Variants in PATJ observed in about 807,000 individuals in gnomAD.
The protein encoded by PATJ is PATJ crumbs cell polarity complex component.
Under a neutral mutation model 224.9 loss-of-function variants are expected in PATJ, and 190 were observed. The ratio of observed to expected loss-of-function variants is 0.84; its 90% CI spans 0.75 to 0.95. The LOEUF (loss-of-function observed/expected upper bound fraction) is 0.95, where lower values mean the gene tolerates loss of function less well. PATJ is among the 40% of genes least tolerant of loss of function. The pLI, the probability that PATJ is intolerant of heterozygous loss-of-function variation, is 0.00. For missense variants in PATJ, 2,121 were observed against 2,270.3 expected (o/e 0.93, Z 1.34); for synonymous variants, 769 against 820.3 (o/e 0.94, Z 1.07).
intron 33 of PATJ, among the ~76,000 whole-genome samples, chr1:62,088,327 G>A (rs781589394): frequency 2.0e-5 from 3 of 152,096 alleles, no homozygotes; most frequent in Admixed American, 6.6e-5. Flanking sequence ...CCAGACCATC[G>A]TTCCCCAAAC....
chr1:61,754,924 G>A (rs371856185), intron 1 of PATJ, among the ~76,000 whole-genome samples: 40 of 151,888 alleles, frequency 2.6e-4, no homozygotes, highest in Middle Eastern at 6.8e-3. Context: ...AGAGGTAGAC[G>A]GCCAACCAAT....
chr1:61,803,302 A>G (rs1652915411), intron 12 of PATJ, among the ~76,000 whole-genome samples: 1 of 152,192 alleles, frequency 6.6e-6, no homozygotes, highest in Non-Finnish European at 1.5e-5. Flanking sequence ...AAAAGATAAA[A>G]CATTCAATTT....
intron 27 of PATJ, among the ~76,000 whole-genome samples, chr1:61,961,642 A>T (rs1681295529): frequency 6.6e-6 from 1 of 152,172 alleles, no homozygotes. Flanking sequence ...ACAGCAAAAG[A>T]TGTGGAAAAA....
At chr1:61,985,181 G>A (rs149073427) in intron 27 of PATJ, among the ~76,000 whole-genome samples, 3,386 of 152,088 alleles carry the variant, frequency 0.022, 116 homozygotes, top group African/African-American at 0.05. Context: ...GCGCGGTGGC[G>A]CATGCCTATA....
intron 31 of PATJ, among the ~76,000 whole-genome samples, chr1:62,066,574 C>A (rs942666202): frequency 6.6e-6 from 1 of 152,058 alleles, no homozygotes; most frequent in Non-Finnish European, 1.5e-5. Context: ...AATGTGATTT[C>A]ACCTAATCCA....
rs373367263 is a variant in PATJ at position 61,796,741 on chromosome 1, T to TTTCTTTC, written c.1261-544_1261-543insCTTTCTT. Among the ~76,000 whole-genome samples the TTTCTTTC allele has an allele frequency of 3.4e-3, 156 of 45,826 alleles. 2 individuals carry two copies. Among genetic ancestry groups the TTTCTTTC allele is most frequent in the African/African-American group, 8.0e-3 (131 of 16,302 alleles). 30.1% of individuals were successfully genotyped at this position (45,826 alleles called of 152,430 possible). On this transcript the variant is annotated intron_variant, in intron 10 of 43. Coordinates refer to ENST00000642238, the MANE Select transcript of PATJ (RefSeq NM_001350145.3). Reference sequence around the variant, plus strand: ...TTCTTTCTTTTTCTTTCTTTCTTTCTTTTTTTTCTTCCTTTCTTCCTTTCT... The same window carrying TTTCTTTC: ...TTCTTTCTTTTTCTTTCTTTCTTTCTTTCTTTCTTTTTTTCTTCCTTTCTTCCTTTCT...
intron 41 of PATJ, among the ~76,000 whole-genome samples, chr1:62,133,825 G>A (rs1295457833): frequency 1.4e-5 from 2 of 145,034 alleles, no homozygotes; most frequent in Non-Finnish European, 3.0e-5. Flanking sequence ...CGGCTCCACT[G>A]AGCCTCCACC....
intron 7 of PATJ, among the ~76,000 whole-genome samples, chr1:61,785,103 G>A (rs767559489): frequency 2.6e-5 from 4 of 152,120 alleles, no homozygotes; most frequent in Non-Finnish European, 5.9e-5. Context: ...TTCAGTCTAA[G>A]GGTTTTTTAA....
intron 1 of PATJ, among the ~76,000 whole-genome samples, chr1:61,754,923 C>T (rs542004458): frequency 2.5e-4 from 38 of 151,896 alleles, no homozygotes; most frequent in Non-Finnish European, 4.3e-4. Context: ...AAGAGGTAGA[C>T]GGCCAACCAA....
intron 31 of PATJ, among the ~76,000 whole-genome samples, chr1:62,070,947 C>G (rs6668421): frequency 0.31 from 47,636 of 152,052 alleles, 8,596 homozygotes; most frequent in Non-Finnish European, 0.42. Context: ...CAATGAACAG[C>G]TGGGCATAAC....
At chr1:61,885,037 T>G (rs1668623952) in intron 22 of PATJ, among the ~76,000 whole-genome samples, 1 of 152,148 alleles carries the variant, frequency 6.6e-6, no homozygotes, top group Non-Finnish European at 1.5e-5. Context: ...GTGAAACTCT[T>G]GGATTTGAAT....
rs992878966 is a variant in PATJ at position 61,781,950 on chromosome 1, C to T, written c.850-5804C>T. ...CTTCCAGTGGTGAATTATGACCACACATCTGAAATGTCTGCCATGGAAGCC... is the reference window on the plus strand; with the variant it reads ...CTTCCAGTGGTGAATTATGACCACATATCTGAAATGTCTGCCATGGAAGCC... On this transcript the variant is annotated intron_variant, in intron 7 of 43. Transcript: ENST00000642238. Among the ~76,000 whole-genome samples, 41 of 152,224 alleles carry T rather than the reference C, an allele frequency of 2.7e-4. 1 individual carries two copies. Among genetic ancestry groups the T allele is most frequent in the Non-Finnish European group, 7.3e-5 (5 of 68,040 alleles).
In PATJ at chr1:61,938,951, T is replaced by G. The variant is rs377406704; in HGVS notation, c.3670+11122T>G. ...ATGTAATTCTTGGTGAAACACCGTC[T>G]CTACTAAATATACAAAAAAAAATTA... On this transcript the variant is annotated intron_variant, in intron 27 of 43. Coordinates refer to ENST00000642238, the MANE Select transcript of PATJ (RefSeq NM_001350145.3). Among the ~76,000 whole-genome samples, 5 of 151,530 alleles carry G rather than the reference T, an allele frequency of 3.3e-5. No individual in the cohort carries two copies. The South Asian group carries it at 1.0e-3, about 32-fold the overall frequency.
chr1:62,020,315 G>A (rs1647008438), intron 29 of PATJ, among the ~76,000 whole-genome samples: 1 of 152,178 alleles, frequency 6.6e-6, no homozygotes, highest in Non-Finnish European at 1.5e-5. Context: ...TTAGTACGTA[G>A]TGATGGCTGC....
chr1:61,763,088 A>G lies in PATJ; in HGVS notation c.98A>G (p.Glu33Gly). 1.2e-6 allele frequency: 2 copies of G among 1,611,346 alleles called. No individual in the cohort carries two copies. The highest frequency in any genetic ancestry group is 4.5e-5 in the East Asian group (2 of 44,734). The stretch of plus-strand genomic sequence containing the variant: ...GAGAAGGGTGACACGTCGCAGAATG[A>G]GAAGTTATCTATGTTTTATGAGACA... Reference protein sequence around the residue: ...LQEKGDTSQNEKLSMFYETLK... With the variant: ...LQEKGDTSQNGKLSMFYETLK... The change falls in exon 3 of 44, where the codon GAG (glutamate) becomes GGG (glycine). Residue 33 changes from glutamate to glycine, a missense_variant. Glu to Gly is a moderately conservative substitution (Grantham distance 98, BLOSUM62 -2). Coordinates refer to ENST00000642238, the MANE Select transcript of PATJ (RefSeq NM_001350145.3).
Position 62,121,630 on chromosome 1 carries a change from G to A in PATJ, c.5005+335G>A, listed in dbSNP as rs569714934. Among the ~76,000 whole-genome samples the A allele has an allele frequency of 3.9e-5, 6 of 152,062 alleles. No homozygotes were observed. In the South Asian group the frequency reaches 6.2e-4, roughly 16 times the overall value. ...AAATACAAAAAAAAATTAGCCGGGCGTGGTGGCATACGCCTGTAGTCCCAG... is the reference window on the plus strand; with the variant it reads ...AAATACAAAAAAAAATTAGCCGGGCATGGTGGCATACGCCTGTAGTCCCAG... On this transcript the variant is annotated intron_variant, in intron 38 of 43. Coordinates refer to ENST00000642238, the MANE Select transcript of PATJ (RefSeq NM_001350145.3).
Position 61,801,721 on chromosome 1 carries a change from A to G in PATJ, c.1501A>G (p.Arg501Gly), listed in dbSNP as rs1297824670. The G allele has an allele frequency of 2.5e-6, 4 of 1,601,718 alleles. No homozygotes were observed. The highest frequency in any genetic ancestry group is 3.4e-6 in the Non-Finnish European group (4 of 1,171,738). ...VDGEDEEIKE[R>G]IDTLKNDNIQ... is the part of the protein sequence containing the mutation. ...TGGTGAAGATGAGGAAATTAAAGAA[A>G]GAATTGATACTTTAAAAAATGACAA... The change falls in exon 12 of 44, where the codon AGA (arginine) becomes GGA (glycine). Residue 501 changes from arginine to glycine, a missense_variant. Physicochemically the swap from Arg to Gly is moderately radical, Grantham distance 125. Transcript: ENST00000642238.
rs766835200 is a variant in PATJ, at chr1:61,861,682, T to C, written c.2439+15T>C. The C allele has an allele frequency of 8.9e-7, 1 of 1,129,336 alleles. No homozygotes were observed. The highest frequency in any genetic ancestry group is 1.7e-5 in the South Asian group (1 of 57,508). 70.0% of individuals were successfully genotyped at this position (1,129,336 alleles called of 1,614,324 possible). A position where few individuals can be genotyped will look rare whatever the true frequency, so the allele number is the denominator to read the frequency against. On this transcript the variant is annotated intron_variant, in intron 19 of 43. Coordinates refer to ENST00000642238, the MANE Select transcript of PATJ (RefSeq NM_001350145.3). The stretch of plus-strand genomic sequence containing the variant: ...AAGCACCCAAGGTATTTAATAAATT[T>C]ATTTCCCATTTGAATGATTTGCTAT...
At chr1:62,059,853 G>C (rs1311801099) in intron 31 of PATJ, among the ~76,000 whole-genome samples, 2 of 152,060 alleles carry the variant, frequency 1.3e-5, no homozygotes, top group Non-Finnish European at 2.9e-5. Flanking sequence ...AGAATGGATG[G>C]GACTTGATGG....
Sources: allele counts gnomAD v4.1 joint callset (sites outside exome capture counted in the v4.1 genomes callset), GRCh38; gene constraint gnomAD v4.1.1; transcripts MANE v1.5; gene names NCBI Gene and HGNC (gene_info 2026-07-23, HGNC 2026-07-21).